P3H1: variants seen among roughly 807,000 people sequenced by gnomAD.
The protein encoded by P3H1 is prolyl 3-hydroxylase 1.
P3H1 carries 69 observed loss-of-function variants against 84.0 expected under a neutral mutation model. The observed-to-expected ratio is 0.82, with a 90% CI of 0.68 to 1.00. P3H1 has a LOEUF of 1.00. P3H1 is among the 50% of genes least tolerant of loss of function. The probability of loss-of-function intolerance (pLI) is 0.00; values close to 1 mark genes in which losing one functional copy is unlikely to be tolerated. For missense variants in P3H1, 878 were observed against 962.8 expected (o/e 0.91, Z 1.17); for synonymous variants, 366 against 388.8 (o/e 0.94, Z 0.69).
At chr1:42,749,373 A>C (rs965292820) in intron 11 of P3H1, among the ~76,000 whole-genome samples, 5 of 152,132 alleles carry the variant, frequency 3.3e-5, no homozygotes, top group Admixed American at 2.6e-4. Flanking sequence ...CTCCAGTATG[A>C]CAGAGCCGGC....
chr1:42,755,527 G>C (rs918090668), intron 6 of P3H1, 21 bp downstream of exon 6: 2 of 1,592,922 alleles, frequency 1.3e-6, no homozygotes, highest in African/African-American at 2.7e-5. Context: ...GCTCCCTTCC[G>C]GCTCCTGTAC....
chr1:42,761,481 GAATT>G (rs1437834048), intron 2 of P3H1: 1 of 152,202 alleles, frequency 6.6e-6, no homozygotes, highest in African/African-American at 2.4e-5. Flanking sequence ...TGTGACTAGT[GAATT>G]AATATAGTCT....
At position 42,746,661 on chromosome 1, in the gene P3H1, T is replaced by G; in HGVS notation, c.*36A>C. ...CAGAGTGCAGAAGAGTTCCTCTCCATGGGTCTAGTCACCCATCCGTCTGAC... is the reference window on the plus strand; with the variant it reads ...CAGAGTGCAGAAGAGTTCCTCTCCAGGGGTCTAGTCACCCATCCGTCTGAC... On this transcript the variant is annotated 3_prime_UTR_variant, in exon 15 of 15. Coordinates refer to ENST00000296388, the MANE Select transcript of P3H1 (RefSeq NM_022356.4). 6.6e-7 allele frequency: 1 copy of G among 1,508,874 alleles called. No individual in the cohort carries two copies. The highest frequency in any genetic ancestry group is 9.0e-7 in the Non-Finnish European group (1 of 1,108,500). 93.5% of individuals were successfully genotyped at this position (1,508,874 alleles called of 1,614,324 possible).
At position 42,748,057 on chromosome 1, in the gene P3H1, G is replaced by T. The variant is rs979329610; in HGVS notation, c.1838+143C>A. 23 of 705,158 alleles carry T rather than the reference G, an allele frequency of 3.3e-5. No individual in the cohort carries two copies. In the African/African-American group the frequency reaches 3.3e-4, roughly 10 times the overall value. The allele number at this position is 705,158 out of a possible 1,614,324, so 43.7% of individuals were successfully genotyped here. ...CTTTGCCTATCTTCTTATCCAGCGG[G>T]TTTGGGGATAAAGGATTGGACTCTG... On this transcript the variant is annotated intron_variant, in intron 12 of 14. Transcript: ENST00000296388.
rs1038049029 is a variant in P3H1, at chr1:42,759,190, A to G, written c.808+11T>C. Reference sequence around the variant, plus strand: ...GGCCTGGCTGAAGGTCTGGCTCTGAACTGCACGCACCTGTGATGGCCTGGA... The same window carrying G: ...GGCCTGGCTGAAGGTCTGGCTCTGAGCTGCACGCACCTGTGATGGCCTGGA... On this transcript the variant is annotated intron_variant, in intron 3 of 14. Coordinates refer to ENST00000296388, the MANE Select transcript of P3H1 (RefSeq NM_022356.4). The G allele has an allele frequency of 1.2e-6, 2 of 1,614,142 alleles. No individual in the cohort carries two copies. Among genetic ancestry groups the G allele is most frequent in the Non-Finnish European group, 1.7e-6 (2 of 1,179,988 alleles).
Position 42,758,996 on chromosome 1 carries a change from A to C in P3H1, c.809-13T>G, listed in dbSNP as rs755266159. The C allele has an allele frequency of 1.2e-6, 2 of 1,614,148 alleles. No individual in the cohort carries two copies. The highest frequency in any genetic ancestry group is 2.2e-5 in the South Asian group (2 of 91,082). On this transcript the variant is annotated splice_polypyrimidine_tract_variant and intron_variant, in intron 3 of 14. Coordinates refer to ENST00000296388, the MANE Select transcript of P3H1 (RefSeq NM_022356.4). ...TGGATGTAATGATCTGAAAGGAATC[A>C]AACAGAAGGAATAACTATGAGGTCA... is the stretch of plus-strand genomic sequence containing the variant.
At chr1:42,753,910 A>G (rs1057465924) in intron 8 of P3H1, among the ~76,000 whole-genome samples, 5 of 151,576 alleles carry the variant, frequency 3.3e-5, no homozygotes, top group Admixed American at 6.6e-5. Context: ...TGGGCAACAG[A>G]GCAAGACTCC....
Position 42,750,315 on chromosome 1 carries a change from G to A in P3H1, c.1591C>T (p.Pro531Ser). 6.2e-7 allele frequency: 1 copy of A among 1,614,104 alleles called. No homozygotes were observed. The highest frequency in any genetic ancestry group is 8.5e-7 in the Non-Finnish European group (1 of 1,180,014). ...ALKLGQEGKV[P>S]LQSAHLYYNV... ...TAGTACAGGTGGGCACTCTGCAGAG[G>A]AACTTTGCCTTCTTGCCCCAGCTGC... The change falls in exon 11 of 15, where the codon CCT becomes TCT. Residue 531 changes from proline to serine, a missense_variant. By Grantham distance (74) the Pro-to-Ser change is moderately conservative. Transcript: ENST00000296388.
rs1191275386 is a variant in P3H1, at chr1:42,758,884, T to A, written c.908A>T (p.His303Leu). 8.1e-6 allele frequency: 13 copies of A among 1,614,020 alleles called. No individual in the cohort carries two copies. The highest frequency in any genetic ancestry group is 1.1e-5 in the Non-Finnish European group (13 of 1,180,016). The change falls in exon 4 of 15, where the codon CAT becomes CTT. Residue 303 changes from histidine to leucine, a missense_variant. Physicochemically the swap from His to Leu is moderately conservative, Grantham distance 99 (BLOSUM62 -3). Transcript: ENST00000296388. ...GTAGGCAAACTGCAGATAATTATAA[T>A]GCGATGGGAGGAAGTCTTCAAAGGG... is the stretch of plus-strand genomic sequence containing the variant. ...EKPFEDFLPSHYNYLQFAYYN... is the reference protein window; with the variant it reads ...EKPFEDFLPSLYNYLQFAYYN...
intron 8 of P3H1, among the ~76,000 whole-genome samples, chr1:42,753,371 G>A (rs1023193271): frequency 2.0e-5 from 3 of 152,130 alleles, no homozygotes; most frequent in Non-Finnish European, 2.9e-5. Flanking sequence ...ATAGGGCAAA[G>A]GTCAACATTT....
In P3H1 at chr1:42,750,656, G is replaced by GGC. The variant is rs1553141368; in HGVS notation, c.1570-321_1570-320insGC. Among the ~76,000 whole-genome samples, 30 of 122,800 alleles carry GGC rather than the reference G, an allele frequency of 2.4e-4. 8 individuals are homozygous for GGC. The highest frequency in any genetic ancestry group is 1.3e-3 in the Admixed American group (17 of 13,404). The allele number at this position is 122,800 out of a possible 152,430, so 80.6% of individuals were successfully genotyped here. A position where few individuals can be genotyped will look rare whatever the true frequency, so the allele number is the denominator to read the frequency against. On this transcript the variant is annotated intron_variant, in intron 10 of 14. Coordinates refer to ENST00000296388, the MANE Select transcript of P3H1 (RefSeq NM_022356.4). ...CCCCGTCCGGGAGGGAGGCCGGGGG[G>GGC]GGTGGTCGGCCAGCCGCCCCGTCCG...
intron 11 of P3H1, chr1:42,748,760 G>A (rs1366190782): frequency 3.5e-6 from 1 of 282,628 alleles, no homozygotes; most frequent in East Asian, 8.6e-5. Context: ...GGGAAAGCAT[G>A]AACTTCAGTG....
intron 8 of P3H1, among the ~76,000 whole-genome samples, chr1:42,753,261 G>A (rs1652209370): frequency 6.6e-6 from 1 of 152,160 alleles, no homozygotes; most frequent in Non-Finnish European, 1.5e-5. Context: ...AGAATCAAGA[G>A]AAATAACAAA....
intron 5 of P3H1, among the ~76,000 whole-genome samples, chr1:42,757,231 GCT>G (rs1208507823): frequency 6.6e-6 from 1 of 152,148 alleles, no homozygotes; most frequent in African/African-American, 2.4e-5. Context: ...TCTACTGGAG[GCT>G]CTCAGACTCC....
At chr1:42,747,456 T>A (rs747131858) in intron 13 of P3H1, 44 bp from the exon 14 acceptor site, 1 of 1,566,282 alleles carries the variant, frequency 6.4e-7, no homozygotes, top group Non-Finnish European at 8.7e-7. Flanking sequence ...GGACAAAGAC[T>A]GTAATCCACT....
chr1:42,758,744 T>G, intron 4 of P3H1, 108 bp downstream of exon 4: 3 of 1,352,238 alleles, frequency 2.2e-6, no homozygotes, highest in Non-Finnish European at 3.2e-6. Flanking sequence ...CCATAGCTAC[T>G]GAAATAAGCC....
At position 42,755,147 on chromosome 1, in the gene P3H1, TTTC is replaced by T. The variant is rs1652325322; in HGVS notation, c.1223+15_1223+17del. On this transcript the variant is annotated intron_variant, in intron 7 of 14. Coordinates refer to ENST00000296388, the MANE Select transcript of P3H1 (RefSeq NM_022356.4). ...TCATCAGACTGATCCAACCATGCAG[TTTC>T]TTCAAGGTCCTCACTTCTGTTTCTC... The T allele has an allele frequency of 6.2e-7, 1 of 1,613,590 alleles. No individual in the cohort carries two copies. Among genetic ancestry groups the T allele is most frequent in the South Asian group, 1.1e-5 (1 of 91,084 alleles).
Position 42,754,580 on chromosome 1 carries a change from T to C in P3H1, c.1345+289A>G, listed in dbSNP as rs1004680208. Among the ~76,000 whole-genome samples the C allele has an allele frequency of 6.6e-6, 1 of 152,162 alleles. No homozygotes were observed. The highest frequency in any genetic ancestry group is 1.5e-5 in the Non-Finnish European group (1 of 68,014). ...ATTGCCCAGGCTGGATTCAAACTCC[T>C]GGGCTCAAGCGATCCTCCTGCCTCA... On this transcript the variant is annotated intron_variant, in intron 8 of 14. Transcript: ENST00000296388. This position sits in a 1 kb window ranked among gnomAD's most constrained non-coding sequence, Gnocchi z 4.0.
intron 1 of P3H1, among the ~76,000 whole-genome samples, chr1:42,764,423 C>CAAAAA (rs769981372): frequency 2.0e-4 from 17 of 84,722 alleles, no homozygotes; most frequent in East Asian, 5.4e-4. Flanking sequence ...GACTCCATCT[C>CAAAAA]AAAAAAAAAA....
Sources: allele counts gnomAD v4.1 joint callset (sites outside exome capture counted in the v4.1 genomes callset), GRCh38; gene constraint gnomAD v4.1.1; non-coding constraint Gnocchi (gnomAD v3.1); transcripts MANE v1.5; gene names NCBI Gene and HGNC (gene_info 2026-07-23, HGNC 2026-07-21).